Variants in MGAT4C observed in about 807,000 individuals in gnomAD.
MGAT4C encodes alpha-1,3-mannosyl-glycoprotein 4-beta-N-acetylglucosaminyltransferase C.
MGAT4C carries 19 observed loss-of-function variants against 40.1 expected under a neutral mutation model. The ratio of observed to expected loss-of-function variants is 0.47; its 90% CI spans 0.33 to 0.70. MGAT4C has a LOEUF of 0.70. MGAT4C is among the 30% of genes least tolerant of loss of function. The pLI, the probability that MGAT4C is intolerant of heterozygous loss-of-function variation, is 0.02. For synonymous variants in MGAT4C, 181 were observed against 187.1 expected (o/e 0.97, Z 0.27); for missense variants, 491 against 563.2 (o/e 0.87, Z 1.30).
At chr12:86,589,976 CATT>C (rs1164690522) in intron 2 of MGAT4C, among the ~76,000 whole-genome samples, 1 of 151,862 alleles carries the variant, frequency 6.6e-6, no homozygotes, top group Non-Finnish European at 1.5e-5. Context: ...AAAATGTAAA[CATT>C]ATTGTAGAGA....
chr12:86,493,859 T>C (rs1384833645), intron 2 of MGAT4C, among the ~76,000 whole-genome samples: 4 of 152,052 alleles, frequency 2.6e-5, no homozygotes, highest in South Asian at 2.1e-4. Context: ...CCTGTGCTTA[T>C]AGAAAACCGT....
chr12:85,979,352 T>A lies in MGAT4C; in HGVS notation c.1374A>T (p.Ile458=). 6.2e-7 allele frequency: 1 copy of A among 1,612,516 alleles called. No individual in the cohort carries two copies. Among genetic ancestry groups the A allele is most frequent in the Non-Finnish European group, 8.5e-7 (1 of 1,179,044 alleles). The change falls in exon 5 of 5, where the codon ATA becomes ATT. Residue 458 remains isoleucine, a synonymous_variant. Coordinates refer to ENST00000611864, the MANE Select transcript of MGAT4C (RefSeq NM_001351288.2). ...ATTCCTTTTGTGTTTTGGTGACATA[T>A]ATCCTCATACAATGTATATCAAATG... ...KIPFDIHCMR[I]YVTKTQKEWL...
At chr12:86,744,719 G>A (rs771055854) in intron 1 of MGAT4C, among the ~76,000 whole-genome samples, 1 of 151,494 alleles carries the variant, frequency 6.6e-6, no homozygotes, top group Non-Finnish European at 1.5e-5. Flanking sequence ...AGAGTTAGGA[G>A]TCTATGAGTA....
intron 1 of MGAT4C, among the ~76,000 whole-genome samples, chr12:86,067,299 G>A (rs1034895675): frequency 5.3e-5 from 8 of 152,122 alleles, no homozygotes; most frequent in African/African-American, 1.9e-4. Flanking sequence ...CAAAGACTTG[G>A]AACCAACCCA....
chr12:86,819,917 AT>A (rs1952677558), intron 1 of MGAT4C, among the ~76,000 whole-genome samples: 2 of 150,826 alleles, frequency 1.3e-5, no homozygotes, highest in South Asian at 4.1e-4. Context: ...AAAGCTGTCC[AT>A]GAAGAAGAAA....
intron 2 of MGAT4C, among the ~76,000 whole-genome samples, chr12:86,574,863 CCT>C (rs1352832146): frequency 6.6e-6 from 1 of 151,686 alleles, no homozygotes; most frequent in Non-Finnish European, 1.5e-5. Context: ...ATATTAACCC[CCT>C]GATTTTTATC....
At chr12:86,379,598 T>C (rs756006861) in intron 3 of MGAT4C, among the ~76,000 whole-genome samples, 5 of 152,238 alleles carry the variant, frequency 3.3e-5, no homozygotes, top group South Asian at 4.1e-4. Context: ...CAGCATTAGA[T>C]AAATATTTGA....
At chr12:86,809,196 G>A (rs929623723) in intron 1 of MGAT4C, among the ~76,000 whole-genome samples, 1 of 151,970 alleles carries the variant, frequency 6.6e-6, no homozygotes, top group African/African-American at 2.4e-5. Context: ...TTTTTATTTA[G>A]CATAATCCTT....
chr12:86,662,851 T>G (rs556127224), intron 2 of MGAT4C, among the ~76,000 whole-genome samples: 14 of 152,282 alleles, frequency 9.2e-5, no homozygotes, highest in African/African-American at 3.1e-4. Context: ...ACTTCATTAA[T>G]TCGTGTCAAA....
In MGAT4C at chr12:85,983,548, T is replaced by C. The variant is rs1339094228; in HGVS notation, c.270A>G (p.Leu90=). Residue 90 remains leucine, a synonymous_variant, in exon 4 of 5, where the codon CTA becomes CTG. Coordinates refer to ENST00000611864, the MANE Select transcript of MGAT4C (RefSeq NM_001351288.2). ...SGAINVTYRY[L]AATPLQRKRY... is the part of the protein sequence containing the mutation. ...GCTTTCTTTGTAAAGGTGTGGCAGC[T>C]AGGTAGCGATAGGTGACATTTATGG... 4 of 1,584,744 alleles carry C rather than the reference T, an allele frequency of 2.5e-6. No individual in the cohort carries two copies. In the South Asian group the frequency reaches 3.5e-5, roughly 14 times the overall value.
In MGAT4C at chr12:86,805,214, G is replaced by T. The variant is rs547014851; in HGVS notation, c.-262+33452C>A. On this transcript the variant is annotated intron_variant, in intron 1 of 7. Transcript: ENST00000548651. ...TGAACAACTATTTCTTTCTTTTTTTGTTGTTTTTTACTTTTATTTTAGATT... is the reference window on the plus strand; with the variant it reads ...TGAACAACTATTTCTTTCTTTTTTTTTTGTTTTTTACTTTTATTTTAGATT... Among the ~76,000 whole-genome samples the T allele has an allele frequency of 9.9e-5, 15 of 151,508 alleles. No homozygotes were observed. In the South Asian group the frequency reaches 2.7e-3, roughly 27 times the overall value.
intron 1 of MGAT4C, among the ~76,000 whole-genome samples, chr12:86,093,285 T>A (rs1873217152): frequency 6.6e-6 from 1 of 152,200 alleles, no homozygotes; most frequent in East Asian, 1.9e-4. Flanking sequence ...ATCATACAGC[T>A]AAAGTTCTCA....
At chr12:86,611,794 C>A (rs1391713612) in intron 2 of MGAT4C, among the ~76,000 whole-genome samples, 2 of 152,086 alleles carry the variant, frequency 1.3e-5, no homozygotes, top group African/African-American at 4.8e-5. Flanking sequence ...TATGTCACAG[C>A]AGGCAACCTG....
intron 2 of MGAT4C, among the ~76,000 whole-genome samples, chr12:86,557,195 A>G (rs558960119): frequency 3.9e-5 from 6 of 152,216 alleles, no homozygotes; most frequent in Non-Finnish European, 7.3e-5. Flanking sequence ...AAGTTAGAGT[A>G]TCTTGCTATA....
intron 3 of MGAT4C, among the ~76,000 whole-genome samples, chr12:86,426,301 C>T (rs1049015084): frequency 6.6e-6 from 1 of 152,118 alleles, no homozygotes; most frequent in African/African-American, 2.4e-5. Flanking sequence ...TACCGATTGG[C>T]TCACGAGTTT....
chr12:86,507,095 A>C (rs1958484511), intron 2 of MGAT4C, among the ~76,000 whole-genome samples: 1 of 152,202 alleles, frequency 6.6e-6, no homozygotes, highest in Non-Finnish European at 1.5e-5. Context: ...TTTTAAAGTT[A>C]TTATGGCAAA....
At chr12:86,762,038 T>G (rs1174204008) in intron 1 of MGAT4C, among the ~76,000 whole-genome samples, 1 of 151,674 alleles carries the variant, frequency 6.6e-6, no homozygotes, top group Non-Finnish European at 1.5e-5. Flanking sequence ...GAAATAATGG[T>G]GAGGGATAGG....
At chr12:86,541,483 A>G (rs1398509515) in intron 2 of MGAT4C, among the ~76,000 whole-genome samples, 1 of 152,172 alleles carries the variant, frequency 6.6e-6, no homozygotes, top group Admixed American at 6.5e-5. Flanking sequence ...CTTGTTATTG[A>G]TTTAACCAAA....
At chr12:86,579,310 T>C (rs1960685016) in intron 2 of MGAT4C, among the ~76,000 whole-genome samples, 1 of 151,640 alleles carries the variant, frequency 6.6e-6, no homozygotes, top group Admixed American at 6.6e-5. Flanking sequence ...TTATTTTTTG[T>C]GTATCCATTG....
Sources: gnomAD v4.1 joint callset for allele counts (sites outside exome capture counted in the v4.1 genomes callset) on GRCh38, gnomAD v4.1.1 for gene constraint, MANE v1.5 for transcripts, NCBI Gene and HGNC (gene_info 2026-07-23, HGNC 2026-07-21) for gene names.